The following GUCY1A2 variants were observed in gnomAD, a reference collection of about 807,000 sequenced individuals.
The protein encoded by GUCY1A2 is guanylate cyclase 1 soluble subunit alpha 2.
A neutral mutation model predicts 63.5 loss-of-function variants in GUCY1A2; 27 were observed. The observed-to-expected ratio is 0.43, with a 90% CI of 0.31 to 0.59. The LOEUF (loss-of-function observed/expected upper bound fraction) is 0.59. Ranked by LOEUF, GUCY1A2 falls within the 20% of genes least tolerant of loss-of-function variation. The pLI is 0.11. For missense variants in GUCY1A2, 768 were observed against 913.3 expected (o/e 0.84, Z 2.05); for synonymous variants, 364 against 343.5 (o/e 1.06, Z -0.66).
At chr11:106,839,322 C>A (rs939472892) in intron 4 of GUCY1A2, among the ~76,000 whole-genome samples, 1 of 151,880 alleles carries the variant, frequency 6.6e-6, no homozygotes, top group Admixed American at 6.6e-5. Context: ...TCATCTCACA[C>A]CAGTCAGAAT....
At chr11:106,709,693 A>G (rs1863042494) in intron 6 of GUCY1A2, among the ~76,000 whole-genome samples, 1 of 122,374 alleles carries the variant, frequency 8.2e-6, no homozygotes, top group African/African-American at 3.4e-5. Flanking sequence ...TATTATATAC[A>G]CGTATAGAAT....
intron 1 of GUCY1A2, 59 bp downstream of exon 1, chr11:107,017,694 A>G (rs2120229281): frequency 2.7e-6 from 3 of 1,103,646 alleles, no homozygotes; most frequent in Middle Eastern, 6.9e-4. Flanking sequence ...CCCAGCGCCA[A>G]CTTTACAGAT....
At chr11:107,008,878 A>C (rs1470905059) in intron 1 of GUCY1A2, among the ~76,000 whole-genome samples, 1 of 152,222 alleles carries the variant, frequency 6.6e-6, no homozygotes, top group East Asian at 1.9e-4. Context: ...CATAGACATA[A>C]AGCAACAAGG....
chr11:106,932,317 A>G (rs1182459292), intron 4 of GUCY1A2, among the ~76,000 whole-genome samples: 1 of 152,178 alleles, frequency 6.6e-6, no homozygotes, highest in Non-Finnish European at 1.5e-5. Flanking sequence ...GTAATCATGT[A>G]CAGTGTCCTC....
intron 4 of GUCY1A2, among the ~76,000 whole-genome samples, chr11:106,847,971 G>T (rs1048249637): frequency 2.0e-5 from 3 of 151,496 alleles, no homozygotes; most frequent in African/African-American, 4.8e-5. Context: ...ACTGCAATAA[G>T]AGTGCAAAAC....
chr11:106,820,546 A>T (rs140579192), intron 4 of GUCY1A2, among the ~76,000 whole-genome samples: 2,018 of 152,182 alleles, frequency 0.013, 45 homozygotes, highest in African/African-American at 0.046. Flanking sequence ...CTACAGGTAC[A>T]TGCCATCATG....
At chr11:106,716,793 A>G (rs1257710717) in intron 6 of GUCY1A2, among the ~76,000 whole-genome samples, 1 of 120,490 alleles carries the variant, frequency 8.3e-6, no homozygotes, top group Admixed American at 7.9e-5. Context: ...AAAAAAAAAA[A>G]AGATAAGAGT....
At chr11:106,984,398 G>A (rs1861375427) in intron 2 of GUCY1A2, among the ~76,000 whole-genome samples, 2 of 152,166 alleles carry the variant, frequency 1.3e-5, no homozygotes. Context: ...TAGGTAGAAG[G>A]GGAGGGCTGA....
In GUCY1A2 at chr11:106,675,421, C is replaced by T. The variant is rs544908307; in HGVS notation, c.*12128G>A. The T allele has an allele frequency of 9.0e-5, 18 of 200,272 alleles. No homozygotes were observed. The highest frequency in any genetic ancestry group is 2.1e-4 in the African/African-American group (9 of 43,522). The allele number at this position is 200,272 out of a possible 1,614,324, so 12.4% of individuals were successfully genotyped here. On this transcript the variant is annotated 3_prime_UTR_variant, in exon 8 of 8. Coordinates refer to ENST00000526355, the MANE Select transcript of GUCY1A2 (RefSeq NM_000855.3). The stretch of plus-strand genomic sequence containing the variant: ...TGCCATGATGATGTGAATTCATTTC[C>T]GCATAGTCGGAATAATTTTTGCTCC...
intron 4 of GUCY1A2, among the ~76,000 whole-genome samples, chr11:106,866,261 G>C (rs1326979010): frequency 1.3e-5 from 2 of 151,814 alleles, no homozygotes; most frequent in African/African-American, 4.8e-5. Flanking sequence ...AAAAATGAAA[G>C]AAGGAAGGGA....
chr11:106,688,332 G>T (rs77489873), intron 7 of GUCY1A2, among the ~76,000 whole-genome samples: 2 of 152,034 alleles, frequency 1.3e-5, no homozygotes, highest in African/African-American at 2.4e-5. Context: ...TAGCATTATT[G>T]GTTAAACAGC....
chr11:106,793,941 A>C (rs1003334850), intron 5 of GUCY1A2, among the ~76,000 whole-genome samples: 3 of 152,138 alleles, frequency 2.0e-5, no homozygotes, highest in Non-Finnish European at 4.4e-5. Context: ...AACACAATGG[A>C]GGTTCCTAAA....
At chr11:107,017,413 G>C (rs1370355761) in intron 1 of GUCY1A2, among the ~76,000 whole-genome samples, 1 of 152,182 alleles carries the variant, frequency 6.6e-6, no homozygotes, top group Non-Finnish European at 1.5e-5. Flanking sequence ...GGAAAGTTTA[G>C]GGGAAAGAAA....
intron 6 of GUCY1A2, among the ~76,000 whole-genome samples, chr11:106,752,753 C>T (rs1863905947): frequency 6.6e-6 from 1 of 152,126 alleles, no homozygotes; most frequent in Non-Finnish European, 1.5e-5. Flanking sequence ...TTTATGCAGT[C>T]TATTACTGAT....
intron 7 of GUCY1A2, among the ~76,000 whole-genome samples, chr11:106,700,094 G>A (rs190963119): frequency 6.6e-6 from 1 of 152,086 alleles, no homozygotes; most frequent in Admixed American, 6.5e-5. Context: ...TCATATCTAT[G>A]AAAACAACCA....
At chr11:106,976,727 G>C (rs1861267721) in intron 3 of GUCY1A2, among the ~76,000 whole-genome samples, 1 of 152,104 alleles carries the variant, frequency 6.6e-6, no homozygotes, top group Non-Finnish European at 1.5e-5. Flanking sequence ...ATCAGACCTA[G>C]TATCTCTTTT....
intron 7 of GUCY1A2, among the ~76,000 whole-genome samples, chr11:106,706,211 T>C (rs1054505739): frequency 7.2e-5 from 11 of 152,152 alleles, no homozygotes; most frequent in African/African-American, 2.4e-4. Context: ...AAACAGGTAA[T>C]GTTGGACATT....
chr11:106,898,307 A>G (rs1007912589), intron 4 of GUCY1A2, among the ~76,000 whole-genome samples: 2 of 152,226 alleles, frequency 1.3e-5, no homozygotes, highest in Non-Finnish European at 2.9e-5. Context: ...AAAGCTAAAC[A>G]TACTCTTACC....
At chr11:106,995,502 AT>A (rs1432743633) in intron 1 of GUCY1A2, among the ~76,000 whole-genome samples, 1 of 152,170 alleles carries the variant, frequency 6.6e-6, no homozygotes, top group Non-Finnish European at 1.5e-5. Flanking sequence ...GTTGAAAGGG[AT>A]TAACTCCTGG....
Sources: gnomAD v4.1 joint callset for allele counts (sites outside exome capture counted in the v4.1 genomes callset) on GRCh38, gnomAD v4.1.1 for gene constraint, MANE v1.5 for transcripts, NCBI Gene and HGNC (gene_info 2026-07-23, HGNC 2026-07-21) for gene names.